Variants in TANC2 observed in about 807,000 individuals in gnomAD.
The protein encoded by TANC2 is tetratricopeptide repeat, ankyrin repeat and coiled-coil containing 2, also known as protein TANC2.
A neutral mutation model predicts 210.5 loss-of-function variants in TANC2; 26 were observed. The observed-to-expected ratio is 0.12, with a 90% confidence interval of 0.09 to 0.17. The LOEUF is 0.17. TANC2 is among the 10% of genes least tolerant of loss of function. The pLI is 1.00. For missense variants in TANC2, 2,129 were observed against 2,608.9 expected (o/e 0.82, Z 4.01); for synonymous variants, 931 against 967.1 (o/e 0.96, Z 0.69).
chr17:63,258,222 C>T (rs1458317301), intron 8 of TANC2, among the ~76,000 whole-genome samples: 1 of 152,034 alleles, frequency 6.6e-6, no homozygotes, highest in Non-Finnish European at 1.5e-5. Flanking sequence ...AGTCTGTTGC[C>T]AGATGTAGTG....
intron 2 of TANC2, among the ~76,000 whole-genome samples, chr17:63,044,372 G>A (rs74975621): frequency 0.03 from 4,507 of 152,130 alleles, 83 homozygotes; most frequent in South Asian, 0.037. Flanking sequence ...TTTCCTCTAT[G>A]TCATTCTGCA....
At chr17:63,281,963 C>G (rs562305206) in intron 9 of TANC2, among the ~76,000 whole-genome samples, 1 of 152,148 alleles carries the variant, frequency 6.6e-6, no homozygotes, top group African/African-American at 2.4e-5. Flanking sequence ...GCCCTAGGGA[C>G]ACCTTGATTT....
intron 8 of TANC2, among the ~76,000 whole-genome samples, chr17:63,239,161 A>G (rs979966640): frequency 6.6e-5 from 10 of 152,180 alleles, no homozygotes; most frequent in East Asian, 1.9e-4. Context: ...AAAAAAAAAA[A>G]AAAGAAAGAA....
At chr17:63,193,139 A>C (rs1223781401) in intron 5 of TANC2, among the ~76,000 whole-genome samples, 4 of 152,338 alleles carry the variant, frequency 2.6e-5, no homozygotes, top group Non-Finnish European at 4.4e-5. Flanking sequence ...TTCTTGAGAA[A>C]AAAATAAGTT....
chr17:63,098,201 G>A (rs2037461121), intron 3 of TANC2, among the ~76,000 whole-genome samples: 1 of 151,940 alleles, frequency 6.6e-6, no homozygotes, highest in Non-Finnish European at 1.5e-5. Context: ...TGAGACCTAC[G>A]ATGATATTAC....
chr17:63,211,370 C>A lies in TANC2; in HGVS notation c.769+10413C>A, dbSNP rs76599568. Among the ~76,000 whole-genome samples, 1,283 of 152,114 alleles carry A rather than the reference C, an allele frequency of 8.4e-3. 15 individuals carry two copies. The highest frequency in any genetic ancestry group is 0.028 in the African/African-American group (1,174 of 41,488). On this transcript the variant is annotated intron_variant, in intron 7 of 27. Coordinates refer to ENST00000689528, the Ensembl canonical transcript of TANC2. ...GTTTCCCCAGCCTTCTCTCCCACTT[C>A]TTTTTGCCTTGGATTTATTGTTCTA...
intron 2 of TANC2, among the ~76,000 whole-genome samples, chr17:63,070,800 C>T (rs2144629263): frequency 6.6e-6 from 1 of 151,254 alleles, no homozygotes; most frequent in East Asian, 2.0e-4. Flanking sequence ...CGAAAACCAC[C>T]ACCCTAGTCT....
intron 7 of TANC2, 123 bp downstream of exon 7, chr17:63,201,080 T>C: frequency 2.4e-6 from 2 of 830,696 alleles, no homozygotes; most frequent in South Asian, 2.2e-5. Flanking sequence ...AAAACTTTCC[T>C]GGTCTTTTTA....
intron 11 of TANC2, among the ~76,000 whole-genome samples, chr17:63,330,003 C>A (rs893915589): frequency 1.3e-5 from 2 of 152,256 alleles, no homozygotes; most frequent in African/African-American, 4.8e-5. Context: ...GGGAAAAGTT[C>A]TTGAAGGAAA....
At chr17:63,126,240 T>A (rs1170748479) in intron 4 of TANC2, among the ~76,000 whole-genome samples, 1 of 152,236 alleles carries the variant, frequency 6.6e-6, no homozygotes, top group Non-Finnish European at 1.5e-5. Context: ...ATATAGTAGA[T>A]GTTCAATAAA....
exon 17 of TANC2, chr17:63,389,499 A>T (rs773681877): frequency 8.1e-6 from 13 of 1,612,898 alleles, no homozygotes. Context: ...CTGCAGCAGC[A>T]GGGTACCTGA....
intron 5 of TANC2, among the ~76,000 whole-genome samples, chr17:63,170,714 C>T (rs564736290): frequency 6.6e-6 from 1 of 152,226 alleles, no homozygotes; most frequent in East Asian, 1.9e-4. Flanking sequence ...CTGGGGAATT[C>T]TATATATTCT....
At chr17:63,303,726 G>A (rs1312419987) in intron 9 of TANC2, among the ~76,000 whole-genome samples, 1 of 151,802 alleles carries the variant, frequency 6.6e-6, no homozygotes, top group Non-Finnish European at 1.5e-5. Flanking sequence ...TTTCTTTCAG[G>A]TACTCCAGTC....
intron 11 of TANC2, among the ~76,000 whole-genome samples, chr17:63,332,905 T>TTA (rs2045904869): frequency 6.6e-6 from 1 of 152,148 alleles, no homozygotes; most frequent in East Asian, 1.9e-4. Context: ...AAAACCTGGA[T>TTA]GATAGCACAT....
chr17:63,298,172 T>C (rs2044596576), intron 9 of TANC2, among the ~76,000 whole-genome samples: 1 of 152,150 alleles, frequency 6.6e-6, no homozygotes, highest in African/African-American at 2.4e-5. Flanking sequence ...AAACATAGAA[T>C]TGCTATATGA....
intron 11 of TANC2, among the ~76,000 whole-genome samples, chr17:63,334,964 G>A (rs531846258): frequency 1.3e-5 from 2 of 152,256 alleles, no homozygotes; most frequent in African/African-American, 4.8e-5. Flanking sequence ...AGGTGGGTTG[G>A]GGAGGTGCTA....
At chr17:63,040,899 T>C (rs1370484385) in intron 2 of TANC2, among the ~76,000 whole-genome samples, 3 of 152,190 alleles carry the variant, frequency 2.0e-5, no homozygotes, top group African/African-American at 7.2e-5. Context: ...TGTCCAAACA[T>C]TTTAAATACT....
intron 4 of TANC2, among the ~76,000 whole-genome samples, chr17:63,143,407 A>C (rs1354476260): frequency 6.6e-6 from 1 of 152,200 alleles, no homozygotes; most frequent in Non-Finnish European, 1.5e-5. Flanking sequence ...AAGATGAAAA[A>C]TTAAATAGGA....
intron 2 of TANC2, among the ~76,000 whole-genome samples, chr17:63,055,975 AAAAAAAAAAAAAAAAAT>A (rs1348056595): frequency 2.2e-4 from 9 of 41,130 alleles, no homozygotes; most frequent in Admixed American, 3.4e-4. Context: ...CAAAAAAAAA[AAAAAAAAAAAAAAAAAT>A]ATATATATAT....
Sources: allele counts gnomAD v4.1 joint callset (sites outside exome capture counted in the v4.1 genomes callset), GRCh38; gene constraint gnomAD v4.1.1; transcripts MANE v1.5; gene names NCBI Gene and HGNC (gene_info 2026-07-23, HGNC 2026-07-21).